The following BRI3BP variants were observed in gnomAD, a reference collection of about 807,000 sequenced individuals.
BRI3BP encodes the protein BRI3-binding protein.
A neutral mutation model predicts 15.8 loss-of-function variants in BRI3BP; 7 were observed. That is an observed-to-expected ratio of 0.44 (90% CI 0.25 to 0.83). The LOEUF (loss-of-function observed/expected upper bound fraction) is 0.83, where lower values mean the gene tolerates loss of function less well. BRI3BP is among the 40% of genes least tolerant of loss of function. The pLI, the probability that BRI3BP is intolerant of heterozygous loss-of-function variation, is 0.20. For synonymous variants in BRI3BP, 192 were observed against 163.5 expected, an observed-to-expected ratio of 1.17 and a Z score of -1.33; for missense variants, 320 against 339.3, an observed-to-expected ratio of 0.94 and a Z score of 0.45.
chr12:125,022,079 TAAA>T (rs57327862), intron 2 of BRI3BP, among the ~76,000 whole-genome samples: 42 of 129,364 alleles, frequency 3.2e-4, no homozygotes, highest in African/African-American at 1.0e-3. Flanking sequence ...GACCCTGTCT[TAAA>T]AAAAAAAAAA....
intron 1 of BRI3BP, among the ~76,000 whole-genome samples, chr12:125,009,848 T>TC (rs1444319196): frequency 6.6e-6 from 1 of 151,646 alleles, no homozygotes; most frequent in African/African-American, 2.4e-5. Flanking sequence ...ATGCTTATAG[T>TC]CCCAGCACTT....
chr12:125,032,006 G>A (rs763950984), downstream of BRI3BP, among the ~76,000 whole-genome samples: 1 of 152,138 alleles, frequency 6.6e-6, no homozygotes, highest in Non-Finnish European at 1.5e-5. Context: ...TTATCTGGGG[G>A]CAGCCTGGGT....
chr12:125,043,432 G>T, the BRI3BP span, among the ~76,000 whole-genome samples: 1 of 152,160 alleles, frequency 6.6e-6, no homozygotes, highest in African/African-American at 2.4e-5. Context: ...ACTTTTTAAA[G>T]ATTATTTTCT....
rs61379857 is a variant in BRI3BP, at chr12:124,993,835, CCTGCTGCTG to C, written c.66_74del (p.Leu23_Leu25del). The C allele has an allele frequency of 2.8e-4, 323 of 1,148,798 alleles. No homozygotes were observed. The highest frequency in any genetic ancestry group is 2.1e-3 in the South Asian group (61 of 29,562). 71.2% of individuals were successfully genotyped at this position (1,148,798 alleles called of 1,614,324 possible). A position where few individuals can be genotyped will look rare whatever the true frequency, so the allele number is the denominator to read the frequency against. ...GCGGGCCCCTGGCCCGGGCCGGGCTCCTGCTGCTGCTGCTGCTGCTGCTGCTGCTCGGGC... is the reference window on the plus strand; with the variant it reads ...GCGGGCCCCTGGCCCGGGCCGGGCTCCTGCTGCTGCTGCTGCTGCTCGGGC... On this transcript the variant is annotated inframe_deletion, in exon 1 of 3. Coordinates refer to ENST00000341446, the MANE Select transcript of BRI3BP (RefSeq NM_080626.6).
At chr12:125,045,752 C>G in the BRI3BP span, among the ~76,000 whole-genome samples, 7 of 152,186 alleles carry the variant, frequency 4.6e-5, no homozygotes, top group African/African-American at 1.7e-4. Context: ...TACATTAGGA[C>G]AATAAATTAT....
At chr12:125,002,839 A>G (rs1020585293) in intron 1 of BRI3BP, among the ~76,000 whole-genome samples, 3 of 152,104 alleles carry the variant, frequency 2.0e-5, no homozygotes, top group Non-Finnish European at 4.4e-5. Flanking sequence ...CTTAGCTTTC[A>G]TGGCAAGAAT....
intron 2 of BRI3BP, among the ~76,000 whole-genome samples, chr12:125,017,076 G>A (rs1314345979): frequency 3.3e-5 from 5 of 150,270 alleles, no homozygotes; most frequent in Admixed American, 6.6e-5. Flanking sequence ...AGAATGCAGT[G>A]GCCGATCTCA....
chr12:124,994,850 G>C (rs930020934), intron 1 of BRI3BP, among the ~76,000 whole-genome samples: 1 of 152,186 alleles, frequency 6.6e-6, no homozygotes, highest in Non-Finnish European at 1.5e-5. Context: ...TGGGGTTTTG[G>C]AGTCAGAGAA....
rs1239219893 is a variant in BRI3BP, at chr12:125,012,670, A to G, written c.316+34A>G. Reference sequence around the variant, plus strand: ...AGGGGTGGCATTCACGTAAGGTGTCATTCTATTTTGGTGGTTCTCATAGTG... The same window carrying G: ...AGGGGTGGCATTCACGTAAGGTGTCGTTCTATTTTGGTGGTTCTCATAGTG... On this transcript the variant is annotated intron_variant, in intron 2 of 2. Transcript: ENST00000341446. The G allele has an allele frequency of 4.0e-6, 6 of 1,510,396 alleles. No homozygotes were observed. The East Asian group carries it at 1.1e-4, about 28-fold the overall frequency. 93.6% of individuals were successfully genotyped at this position (1,510,396 alleles called of 1,614,324 possible).
chr12:125,021,493 A>G (rs1955298830), intron 2 of BRI3BP, among the ~76,000 whole-genome samples: 1 of 152,210 alleles, frequency 6.6e-6, no homozygotes, highest in Non-Finnish European at 1.5e-5. Context: ...GCTTGAGCTC[A>G]GGAGTTCGAG....
intron 1 of BRI3BP, among the ~76,000 whole-genome samples, chr12:125,008,938 C>T (rs981729389): frequency 3.2e-4 from 49 of 151,732 alleles, no homozygotes; most frequent in African/African-American, 1.2e-3. Flanking sequence ...AACCTAGATC[C>T]CTCGCATGCA....
chr12:125,039,049 C>T, the BRI3BP span, among the ~76,000 whole-genome samples: 1 of 152,166 alleles, frequency 6.6e-6, no homozygotes, highest in East Asian at 1.9e-4. Context: ...GAGATTGTGC[C>T]ACTGCACTCC....
the BRI3BP span, among the ~76,000 whole-genome samples, chr12:125,038,828 G>T: frequency 4.0e-5 from 6 of 151,836 alleles, no homozygotes; most frequent in Non-Finnish European, 8.8e-5. Flanking sequence ...CTTGGCTCAC[G>T]CCTGTAATCC....
downstream of BRI3BP, among the ~76,000 whole-genome samples, chr12:125,032,393 A>G (rs1384318178): frequency 1.5e-4 from 23 of 151,682 alleles, no homozygotes; most frequent in Admixed American, 1.5e-3. Flanking sequence ...AGGAGGTGGA[A>G]GTTGCAGTGA....
At chr12:125,045,562 G>A in the BRI3BP span, among the ~76,000 whole-genome samples, 1 of 152,098 alleles carries the variant, frequency 6.6e-6, no homozygotes, top group African/African-American at 2.4e-5. Flanking sequence ...TCGAACTCCT[G>A]ACCTCGCGAT....
chr12:125,010,964 C>T (rs751543373), intron 1 of BRI3BP, among the ~76,000 whole-genome samples: 2 of 151,422 alleles, frequency 1.3e-5, no homozygotes, highest in Non-Finnish European at 1.5e-5. Flanking sequence ...TGTGATGGTG[C>T]GTGCCTGTAG....
chr12:125,022,077 C>CT (rs1235084323), intron 2 of BRI3BP, among the ~76,000 whole-genome samples: 2 of 94,922 alleles, frequency 2.1e-5, no homozygotes, highest in Non-Finnish European at 2.0e-5. Context: ...AAGACCCTGT[C>CT]TTAAAAAAAA....
At chr12:125,002,987 G>A (rs1015964579) in intron 1 of BRI3BP, among the ~76,000 whole-genome samples, 2 of 152,148 alleles carry the variant, frequency 1.3e-5, no homozygotes, top group Admixed American at 6.6e-5. Flanking sequence ...ACTGCGCTGG[G>A]GGTGCCCTTT....
chr12:125,033,097 G>A (rs765724034), downstream of BRI3BP, among the ~76,000 whole-genome samples: 8 of 152,114 alleles, frequency 5.3e-5, no homozygotes, highest in Non-Finnish European at 7.4e-5. Flanking sequence ...ATAGAATCTC[G>A]GGATCTCAAA....
Sources: allele counts gnomAD v4.1 joint callset (sites outside exome capture counted in the v4.1 genomes callset), GRCh38; gene constraint gnomAD v4.1.1; transcripts MANE v1.5; gene names NCBI Gene and HGNC (gene_info 2026-07-23, HGNC 2026-07-21).